The following CSMD3 variants were observed in gnomAD, a reference collection of about 807,000 sequenced individuals.
The protein encoded by CSMD3 is CUB and Sushi multiple domains 3, also known as CUB and sushi domain-containing protein 3.
CSMD3 carries 177 observed loss-of-function variants against 435.2 expected under a neutral mutation model. That is an observed-to-expected ratio of 0.41 (90% CI 0.36 to 0.46). The LOEUF is 0.46. CSMD3 is among the 20% of genes least tolerant of loss of function. The pLI, the probability that CSMD3 is intolerant of heterozygous loss-of-function variation, is 0.34. For missense variants in CSMD3, 4,265 were observed against 4,504.6 expected (o/e 0.95, Z 1.52); for synonymous variants, 1,656 against 1,520.5 (o/e 1.09, Z -2.07).
At chr8:112,906,018 A>G (rs1017142837) in intron 10 of CSMD3, among the ~76,000 whole-genome samples, 7 of 151,512 alleles carry the variant, frequency 4.6e-5, no homozygotes, top group Non-Finnish European at 5.9e-5. Context: ...TCTTTTTACT[A>G]TGTGAATATA....
In CSMD3 at chr8:113,069,739, G is replaced by A. The variant is rs73702285; in HGVS notation, c.917+29017C>T. Among the ~76,000 whole-genome samples the A allele has an allele frequency of 7.8e-3, 1,181 of 152,148 alleles. 19 individuals carry two copies. Among genetic ancestry groups the A allele is most frequent in the African/African-American group, 0.027 (1,131 of 41,506 alleles). On this transcript the variant is annotated intron_variant, in intron 5 of 70. Coordinates refer to ENST00000297405, the MANE Select transcript of CSMD3 (RefSeq NM_198123.2). Reference sequence around the variant, plus strand: ...TTCTCGCCCTCTTGCAGTTAGGCAGGTTCATGTAACTAGTTCAAGACAACA... The same window carrying A: ...TTCTCGCCCTCTTGCAGTTAGGCAGATTCATGTAACTAGTTCAAGACAACA...
At chr8:112,271,387 T>C (rs1016381051) in intron 59 of CSMD3, among the ~76,000 whole-genome samples, 4 of 152,146 alleles carry the variant, frequency 2.6e-5, no homozygotes, top group Admixed American at 2.6e-4. Flanking sequence ...TTTAGAGAAA[T>C]AGGTCATAAA....
chr8:112,345,238 G>A (rs1444841088), intron 41 of CSMD3, among the ~76,000 whole-genome samples: 1 of 152,112 alleles, frequency 6.6e-6, no homozygotes, highest in Non-Finnish European at 1.5e-5. Flanking sequence ...CTACCACTGG[G>A]TATATGTGCA....
intron 54 of CSMD3, among the ~76,000 whole-genome samples, chr8:112,295,236 C>T (rs906176877): frequency 3.9e-5 from 6 of 152,148 alleles, no homozygotes; most frequent in African/African-American, 1.4e-4. Flanking sequence ...ACATCTTCAA[C>T]CACACACTCT....
At chr8:113,251,375 T>A (rs987630147) in intron 3 of CSMD3, among the ~76,000 whole-genome samples, 1 of 152,068 alleles carries the variant, frequency 6.6e-6, no homozygotes, top group Non-Finnish European at 1.5e-5. Context: ...CTCATACTGA[T>A]CGCACAACTA....
At chr8:113,107,546 C>T (rs1006891141) in intron 4 of CSMD3, among the ~76,000 whole-genome samples, 4 of 152,220 alleles carry the variant, frequency 2.6e-5, no homozygotes, top group Admixed American at 1.3e-4. Context: ...TCAGCCCACC[C>T]TATACACAGG....
chr8:112,599,777 C>A lies in CSMD3; in HGVS notation c.3716-12542G>T, dbSNP rs916852926. On this transcript the variant is annotated intron_variant, in intron 22 of 70. Coordinates refer to ENST00000297405, the MANE Select transcript of CSMD3 (RefSeq NM_198123.2). ...AGTAAACTATCGCAAGAAGAAAAAA[C>A]CAAACACCGTATATTCTCACTCATA... Among the ~76,000 whole-genome samples the A allele has an allele frequency of 1.4e-3, 212 of 147,662 alleles. 3 individuals carry two copies. The highest frequency in any genetic ancestry group is 5.1e-3 in the African/African-American group (204 of 39,824).
Position 112,352,399 on chromosome 8 carries a change from C to G in CSMD3, c.6255+17G>C, listed in dbSNP as rs1376943202. On this transcript the variant is annotated intron_variant, in intron 39 of 70. Transcript: ENST00000297405. ...AGGGCCATGAAAATCAAAACCACAA[C>G]TTTAAAATAGACTTACCTGAAGAGA... is the stretch of plus-strand genomic sequence containing the variant. 1 of 1,612,886 alleles carries G rather than the reference C, an allele frequency of 6.2e-7. No individual in the cohort carries two copies. The highest frequency in any genetic ancestry group is 1.1e-5 in the South Asian group (1 of 91,058).
chr8:113,192,291 A>T (rs1020426001), intron 3 of CSMD3, among the ~76,000 whole-genome samples: 1 of 151,714 alleles, frequency 6.6e-6, no homozygotes, highest in Non-Finnish European at 1.5e-5. Flanking sequence ...AAATCTATGT[A>T]TCTTCTTACA....
At chr8:113,156,892 A>G (rs918856820) in intron 4 of CSMD3, among the ~76,000 whole-genome samples, 1 of 151,828 alleles carries the variant, frequency 6.6e-6, no homozygotes, top group African/African-American at 2.4e-5. Flanking sequence ...TTATCGGGCC[A>G]CTTCAGTCCA....
intron 4 of CSMD3, among the ~76,000 whole-genome samples, chr8:113,169,351 A>G (rs1427051377): frequency 6.6e-6 from 1 of 152,118 alleles, no homozygotes; most frequent in Non-Finnish European, 1.5e-5. Context: ...TACAACATCT[A>G]CATCACTAAC....
intron 13 of CSMD3, among the ~76,000 whole-genome samples, chr8:112,696,213 T>C (rs923891776): frequency 6.6e-6 from 1 of 152,086 alleles, no homozygotes; most frequent in South Asian, 2.1e-4. Context: ...TCACAGAATT[T>C]GAAAAAACTA....
intron 45 of CSMD3, among the ~76,000 whole-genome samples, chr8:112,323,148 A>AAGAC (rs138412366): frequency 1.3e-5 from 2 of 150,406 alleles, no homozygotes; most frequent in African/African-American, 2.4e-5. Context: ...GGAGTAATGA[A>AAGAC]AAACAAACAA....
chr8:113,151,100 A>T (rs1484164517), intron 4 of CSMD3, among the ~76,000 whole-genome samples: 1 of 152,006 alleles, frequency 6.6e-6, no homozygotes, highest in Non-Finnish European at 1.5e-5. Context: ...TTAGTAAAGT[A>T]AGTCAGTTGA....
rs1415336850 is a variant in CSMD3, at chr8:112,342,973, A to ATATATATATATT, written c.6443-1288_6443-1287insAATATATATATA. 7.9e-3 allele frequency among the ~76,000 whole-genome samples: 500 copies of ATATATATATATT among 63,112 alleles called. 4 individuals are homozygous for ATATATATATATT. The highest frequency in any genetic ancestry group is 0.02 in the African/African-American group (462 of 23,588). 41.4% of individuals were successfully genotyped at this position (63,112 alleles called of 152,430 possible). On this transcript the variant is annotated intron_variant, in intron 41 of 70. Transcript: ENST00000297405. ...GTTTCTTTACCTCTTGAAATGTATT[A>ATATATATATATT]TATATATATATATTTATATATATAT...
chr8:112,314,630 A>C lies in CSMD3; in HGVS notation c.7361-13T>G, dbSNP rs2130838973. Reference sequence around the variant, plus strand: ...GCAGGACAGAGCACTGTCAAAGAAAAATGTCATTAAATAATGCCAGTCTTT... The same window carrying C: ...GCAGGACAGAGCACTGTCAAAGAAACATGTCATTAAATAATGCCAGTCTTT... On this transcript the variant is annotated splice_polypyrimidine_tract_variant and intron_variant, in intron 47 of 70. Coordinates refer to ENST00000297405, the MANE Select transcript of CSMD3 (RefSeq NM_198123.2). 1 of 1,590,634 alleles carries C rather than the reference A, an allele frequency of 6.3e-7. No homozygotes were observed. Among genetic ancestry groups the C allele is most frequent in the Non-Finnish European group, 8.6e-7 (1 of 1,159,032 alleles).
intron 4 of CSMD3, among the ~76,000 whole-genome samples, chr8:113,137,920 A>G (rs1360961664): frequency 6.6e-6 from 1 of 151,618 alleles, no homozygotes; most frequent in East Asian, 1.9e-4. Context: ...AATGAGTCCC[A>G]AGATAGATCT....
intron 13 of CSMD3, among the ~76,000 whole-genome samples, chr8:112,719,474 C>A (rs909797129): frequency 6.6e-6 from 1 of 152,072 alleles, no homozygotes; most frequent in African/African-American, 2.4e-5. Context: ...GTGCTGGCAG[C>A]TTTGGTTTTG....
At position 112,908,985 on chromosome 8, in the gene CSMD3, C is replaced by T. The variant is rs145694400; in HGVS notation, c.1633+12642G>A. On this transcript the variant is annotated intron_variant, in intron 10 of 70. Coordinates refer to ENST00000297405, the MANE Select transcript of CSMD3 (RefSeq NM_198123.2). ...TCATTTCTATAGTCTTAATGGAAAG[C>T]CATTTTTGCTTTATGTTTTTTATAT... Among the ~76,000 whole-genome samples, 7 of 151,488 alleles carry T rather than the reference C, an allele frequency of 4.6e-5. No homozygotes were observed. The East Asian group carries it at 1.4e-3, about 30-fold the overall frequency.
Sources: allele counts gnomAD v4.1 joint callset (sites outside exome capture counted in the v4.1 genomes callset), GRCh38; gene constraint gnomAD v4.1.1; transcripts MANE v1.5; gene names NCBI Gene and HGNC (gene_info 2026-07-23, HGNC 2026-07-21).